Variants in UBR1 observed in about 807,000 individuals in gnomAD.
The protein encoded by UBR1 is E3 ubiquitin-protein ligase UBR1.
UBR1 carries 102 observed loss-of-function variants against 242.1 expected under a neutral mutation model. The ratio of observed to expected loss-of-function variants is 0.42; its 90% CI spans 0.36 to 0.50. The LOEUF (loss-of-function observed/expected upper bound fraction) is 0.50, where lower values mean the gene tolerates loss of function less well. Among genes scored for constraint, UBR1 ranks in the 20% least tolerant of loss-of-function variants. The pLI, the probability that UBR1 is intolerant of heterozygous loss-of-function variation, is 0.01. For missense variants in UBR1, 1,772 were observed against 2,101.8 expected, an observed-to-expected ratio of 0.84 and a Z score of 3.07; for synonymous variants, 675 against 684.8, an observed-to-expected ratio of 0.99 and a Z score of 0.22.
intron 38 of UBR1, among the ~76,000 whole-genome samples, chr15:42,977,144 A>G (rs888006324): frequency 6.6e-6 from 1 of 152,158 alleles, no homozygotes; most frequent in Non-Finnish European, 1.5e-5. Context: ...AAGATTCAAC[A>G]TTACAGGAGT....
At chr15:43,044,174 G>A in intron 14 of UBR1, among the ~76,000 whole-genome samples, 1 of 152,234 alleles carries the variant, frequency 6.6e-6, no homozygotes, top group East Asian at 1.9e-4. Context: ...ATTTGAACTG[G>A]AAATGTGCCT....
At chr15:43,044,886 C>T (rs897345382) in intron 14 of UBR1, among the ~76,000 whole-genome samples, 8 of 151,890 alleles carry the variant, frequency 5.3e-5, no homozygotes, top group Non-Finnish European at 1.2e-4. Context: ...CAGAGCGAGA[C>T]TCCATCTCAA....
intron 44 of UBR1, among the ~76,000 whole-genome samples, chr15:42,953,815 C>T (rs1052109379): frequency 6.6e-6 from 1 of 151,848 alleles, no homozygotes; most frequent in African/African-American, 2.4e-5. Flanking sequence ...CCAGAAGGAT[C>T]CTCATTGTGA....
Position 43,047,279 on chromosome 15 carries a change from T to A in UBR1, c.1550A>T (p.Glu517Val). The A allele has an allele frequency of 6.2e-7, 1 of 1,614,166 alleles. No individual in the cohort carries two copies. Among genetic ancestry groups the A allele is most frequent in the Non-Finnish European group, 8.5e-7 (1 of 1,180,014 alleles). Residue 517 changes from glutamate to valine, a missense_variant, in exon 14 of 47, where the codon GAA becomes GTA. This residue lies in a region of UBR1 where 734 missense variants were observed against 893.3 expected (regional missense o/e 0.82). Coordinates refer to ENST00000290650, the MANE Select transcript of UBR1 (RefSeq NM_174916.3). ...KILTCMQGME[E>V]IRRQVGQHIE... is the part of the protein sequence containing the mutation. The stretch of plus-strand genomic sequence containing the variant: ...GTGTTGCCCAACCTGTCTTCGGATT[T>A]CTTCCATTCCCTGCAATTACAAGTT...
chr15:43,066,879 C>T (rs1267030910), intron 6 of UBR1, among the ~76,000 whole-genome samples: 1 of 152,198 alleles, frequency 6.6e-6, no homozygotes, highest in East Asian at 1.9e-4. Flanking sequence ...CTACCTCAGC[C>T]TCCCAAAGTG....
At chr15:43,039,914 T>C (rs1301330203) in intron 15 of UBR1, among the ~76,000 whole-genome samples, 1 of 152,212 alleles carries the variant, frequency 6.6e-6, no homozygotes, top group Non-Finnish European at 1.5e-5. Context: ...GTCAAAGGCC[T>C]TTTCTGCATC....
intron 12 of UBR1, among the ~76,000 whole-genome samples, chr15:43,053,682 C>T (rs2033582419): frequency 6.6e-6 from 1 of 150,620 alleles, no homozygotes; most frequent in Non-Finnish European, 1.5e-5. Context: ...AACCTCAAAC[C>T]CCTGGGCTCA....
rs1224439172 is a variant in UBR1 at position 42,979,201 on chromosome 15, CT to C, written c.4151-1255del. ...AGCCACTGTGCCCAACCAATTTTTT[CT>C]TTTTTTCTTTTTTTTTTTTTTAGTA... is the stretch of plus-strand genomic sequence containing the variant. On this transcript the variant is annotated intron_variant, in intron 37 of 46. Coordinates refer to ENST00000290650, the MANE Select transcript of UBR1 (RefSeq NM_174916.3). Among the ~76,000 whole-genome samples, 4 of 147,324 alleles carry C rather than the reference CT, an allele frequency of 2.7e-5. No homozygotes were observed. In the East Asian group the frequency reaches 5.9e-4, roughly 22 times the overall value.
chr15:43,003,854 G>A lies in UBR1; in HGVS notation c.3492C>T (p.His1164=), dbSNP rs34803922. The A allele has an allele frequency of 1.8e-3, 2,828 of 1,614,056 alleles. 30 individuals are homozygous for A. In the African/African-American group the frequency reaches 0.033, roughly 19 times the overall value. ...CAACTTACTTCTGCCAGCACACTGC[G>A]TGCATTACATGACCACAGCTTCCTG... ...TYTGSCGHVM[H]AVCWQKYFEA... The change falls in exon 31 of 47, where the codon CAC becomes CAT. Residue 1164 remains histidine (H), a synonymous_variant. Coordinates refer to ENST00000290650, the MANE Select transcript of UBR1 (RefSeq NM_174916.3).
chr15:42,983,957 C>A lies in UBR1; in HGVS notation c.4090G>T (p.Ala1364Ser). ...GLKALMQFAV[A>S]QRITCPQVLI... ...ACCTGAGGACAGGTAATCCTCTGTG[C>A]AACTGCAAACTGCATTAATGCTTTC... The change falls in exon 37 of 47, where the codon GCA becomes TCA. Residue 1364 changes from alanine (A) to serine (S), a missense_variant. Coordinates refer to ENST00000290650, the MANE Select transcript of UBR1 (RefSeq NM_174916.3). The A allele has an allele frequency of 6.2e-7, 1 of 1,612,904 alleles. No individual in the cohort carries two copies. Among genetic ancestry groups the A allele is most frequent in the Non-Finnish European group, 8.5e-7 (1 of 1,179,466 alleles).
intron 29 of UBR1, among the ~76,000 whole-genome samples, chr15:43,013,579 A>C (rs983516954): frequency 1.3e-5 from 2 of 152,248 alleles, no homozygotes; most frequent in Non-Finnish European, 2.9e-5. Context: ...TAATAATGTG[A>C]AATAAGTGAA....
At chr15:43,063,020 A>T (rs578017630) in intron 6 of UBR1, among the ~76,000 whole-genome samples, 1 of 152,356 alleles carries the variant, frequency 6.6e-6, no homozygotes, top group Admixed American at 6.5e-5. Flanking sequence ...GACTAACTGC[A>T]ACACAGTTTC....
chr15:43,099,403 G>A (rs1325040913), intron 1 of UBR1, among the ~76,000 whole-genome samples: 1 of 151,780 alleles, frequency 6.6e-6, no homozygotes, highest in East Asian at 1.9e-4. Flanking sequence ...AATGATTATT[G>A]CGTAACCATA....
intron 40 of UBR1, among the ~76,000 whole-genome samples, chr15:42,967,947 A>C (rs956424419): frequency 6.7e-6 from 1 of 150,354 alleles, no homozygotes; most frequent in South Asian, 2.1e-4. Flanking sequence ...AATATATATA[A>C]AAATTATATA....
At chr15:42,989,629 T>C (rs376869322) in intron 34 of UBR1, among the ~76,000 whole-genome samples, 4 of 152,304 alleles carry the variant, frequency 2.6e-5, no homozygotes, top group African/African-American at 9.6e-5. Context: ...CAATTTTACA[T>C]GCAAGAAAAA....
At chr15:42,990,316 G>T (rs974211988) in intron 33 of UBR1, among the ~76,000 whole-genome samples, 196 bp from the exon 34 acceptor site, 2 of 152,068 alleles carry the variant, frequency 1.3e-5, no homozygotes, top group African/African-American at 2.4e-5. Context: ...AGTGACTACA[G>T]GCATGTGCCA....
chr15:43,053,356 T>C (rs143037300), intron 12 of UBR1, among the ~76,000 whole-genome samples: 2 of 152,150 alleles, frequency 1.3e-5, no homozygotes, highest in African/African-American at 4.8e-5. Context: ...TAAAAATAAC[T>C]CAGTTATAAT....
At chr15:42,989,024 A>ACCTTAC in intron 34 of UBR1, 57 bp from the exon 35 acceptor site, 2 of 1,388,380 alleles carry the variant, frequency 1.4e-6, no homozygotes, top group Non-Finnish European at 2.0e-6. Flanking sequence ...CTTAGTAAGA[A>ACCTTAC]GTCCAATTAA....
chr15:43,060,220 G>T, intron 6 of UBR1, 106 bp from the exon 7 acceptor site: 1 of 1,055,220 alleles, frequency 9.5e-7, no homozygotes, highest in Non-Finnish European at 1.5e-6. Context: ...CTCTAATCGC[G>T]TGTTGACTAA....
Sources: gnomAD v4.1 joint callset for allele counts (sites outside exome capture counted in the v4.1 genomes callset) on GRCh38, gnomAD v4.1.1 for gene constraint, gnomAD v4.1.1 regional missense constraint, MANE v1.5 for transcripts, NCBI Gene and HGNC (gene_info 2026-07-23, HGNC 2026-07-21) for gene names.